The following FRMPD2 variants were observed in gnomAD, a reference collection of about 807,000 sequenced individuals.
The protein encoded by FRMPD2 is FERM and PDZ domain containing 2, also known as FERM and PDZ domain-containing protein 2.
Under a neutral mutation model 140.1 loss-of-function variants are expected in FRMPD2, and 96 were observed. The observed-to-expected ratio is 0.69, with a 90% CI of 0.58 to 0.81. The LOEUF (loss-of-function observed/expected upper bound fraction) is 0.81. Ranked by LOEUF, FRMPD2 falls within the 40% of genes least tolerant of loss-of-function variation. The probability of loss-of-function intolerance (pLI) is 0.00; values close to 1 mark genes in which losing one functional copy is unlikely to be tolerated. For missense variants in FRMPD2, 1,240 were observed against 1,447.4 expected, an observed-to-expected ratio of 0.86 and a Z score of 2.32; for synonymous variants, 449 against 547.6, an observed-to-expected ratio of 0.82 and a Z score of 2.52.
rs746636104 is a variant in FRMPD2, at chr10:48,236,555, T to C, written c.922-2A>G. 2.5e-6 allele frequency: 4 copies of C among 1,614,062 alleles called. No homozygotes were observed. The South Asian group carries it at 4.4e-5, about 18-fold the overall frequency. The stretch of plus-strand genomic sequence containing the variant: ...CAGGATGAACTCTGGCCTGGAAAAC[T>C]GGAGGAAAACAGTCACATATGGTAG... On this transcript the variant is annotated splice_acceptor_variant, in intron 8 of 28. Transcript: ENST00000374201. LOFTEE classifies it high-confidence loss of function.
At chr10:48,193,878 G>C (rs146363294) in intron 15 of FRMPD2, among the ~76,000 whole-genome samples, 1 of 152,194 alleles carries the variant, frequency 6.6e-6, no homozygotes, top group African/African-American at 2.4e-5. Context: ...CTGGTTCCCT[G>C]CCAGGGCTGT....
chr10:48,188,211 AG>A (rs1838737814), intron 16 of FRMPD2, among the ~76,000 whole-genome samples: 1 of 152,156 alleles, frequency 6.6e-6, no homozygotes, highest in African/African-American at 2.4e-5. Context: ...GGACTATAGC[AG>A]GGGTCGCTGG....
chr10:48,221,953 G>A (rs1839597473), intron 12 of FRMPD2, among the ~76,000 whole-genome samples: 1 of 149,400 alleles, frequency 6.7e-6, no homozygotes, highest in African/African-American at 2.5e-5. Context: ...TGAATAGGTG[G>A]GTGGGTGGGT....
intron 13 of FRMPD2, 131 bp downstream of exon 13, chr10:48,211,823 A>T: frequency 1.4e-6 from 1 of 740,176 alleles, no homozygotes; most frequent in Non-Finnish European, 2.0e-6. Flanking sequence ...CCTGCCTCCT[A>T]GAGTTCCACC....
At chr10:48,228,218 A>T (rs1257635487) in intron 10 of FRMPD2, among the ~76,000 whole-genome samples, 1 of 152,074 alleles carries the variant, frequency 6.6e-6, no homozygotes, top group Non-Finnish European at 1.5e-5. Flanking sequence ...TTTTATAAAC[A>T]ATTCAAACAT....
rs1360418718 is a variant in FRMPD2, at chr10:48,178,150, C to T, written c.2792G>A (p.Gly931Asp). 2 of 1,494,782 alleles carry T rather than the reference C, an allele frequency of 1.3e-6. No individual in the cohort carries two copies. The highest frequency in any genetic ancestry group is 1.9e-6 in the Non-Finnish European group (2 of 1,074,628). The allele number at this position is 1,494,782 out of a possible 1,614,324, so 92.6% of individuals were successfully genotyped here. The part of the protein sequence containing the change: ...RHQLSFLPLK[G>D]AGSSCPPSPP... Reference sequence around the variant, plus strand: ...TGATGGAGGACAAGAAGAACCAGCACCCTGCCATAAACAAACAAACAAAAA... The same window carrying T: ...TGATGGAGGACAAGAAGAACCAGCATCCTGCCATAAACAAACAAACAAAAA... The change falls in exon 22 of 29, where the codon GGT (glycine) becomes GAT (aspartate). Residue 931 changes from glycine (G) to aspartate (D), a missense_variant and splice_region_variant. Transcript: ENST00000374201.
At chr10:48,223,057 C>T (rs1373675858) in intron 11 of FRMPD2, 66 bp downstream of exon 11, 12 of 1,452,636 alleles carry the variant, frequency 8.3e-6, no homozygotes, top group Non-Finnish European at 1.9e-6. Flanking sequence ...CGATCCATTA[C>T]CTCTCCGTCA....
chr10:48,219,860 T>C (rs1366100640), intron 12 of FRMPD2, among the ~76,000 whole-genome samples: 5 of 152,182 alleles, frequency 3.3e-5, no homozygotes, highest in Non-Finnish European at 7.4e-5. Flanking sequence ...AAGATTAGGA[T>C]TGCCATTTGA....
chr10:48,262,503 G>C (rs2131982836), intron 1 of FRMPD2, among the ~76,000 whole-genome samples: 2 of 152,218 alleles, frequency 1.3e-5, no homozygotes, highest in South Asian at 4.1e-4. Flanking sequence ...CATAAAAACT[G>C]GTAGAACTGC....
intron 1 of FRMPD2, among the ~76,000 whole-genome samples, chr10:48,260,468 C>T (rs1419667362): frequency 6.6e-6 from 1 of 152,098 alleles, no homozygotes; most frequent in African/African-American, 2.4e-5. Context: ...TCTATTACAG[C>T]CCTGAATAGA....
chr10:48,215,553 A>G (rs1214245611), intron 12 of FRMPD2, among the ~76,000 whole-genome samples: 1 of 152,244 alleles, frequency 6.6e-6, no homozygotes, highest in African/African-American at 2.4e-5. Context: ...CCTCCCATAA[A>G]TTAAGACTAA....
In FRMPD2 at chr10:48,199,256, G is replaced by GA. The variant is rs559533746; in HGVS notation, c.1954+1971dup. On this transcript the variant is annotated intron_variant, in intron 15 of 28. Coordinates refer to ENST00000374201, the MANE Select transcript of FRMPD2 (RefSeq NM_001018071.4). ...CTAAAATAAAAGTTGAAATTTTTCT[G>GA]AAAAAATGAGTTCAGGCAAAAAAAA... Among the ~76,000 whole-genome samples, 117 of 122,304 alleles carry GA rather than the reference G, an allele frequency of 9.6e-4. No homozygotes were observed. In the East Asian group the frequency reaches 0.012, roughly 12 times the overall value. 80.2% of individuals were successfully genotyped at this position (122,304 alleles called of 152,430 possible). A position where few individuals can be genotyped will look rare whatever the true frequency, so the allele number is the denominator to read the frequency against.
chr10:48,185,749 T>C, intron 17 of FRMPD2, 104 bp from the exon 18 acceptor site: 1 of 794,760 alleles, frequency 1.3e-6, no homozygotes, highest in Admixed American at 1.8e-5. Context: ...CGCACACACA[T>C]TCACACGCAC....
In FRMPD2 at chr10:48,184,828, T is replaced by C. The variant is rs777323260; in HGVS notation, c.2413A>G (p.Ile805Val). 5.0e-6 allele frequency: 8 copies of C among 1,613,852 alleles called. No homozygotes were observed. The Admixed American group carries it at 8.3e-5, about 17-fold the overall frequency. Residue 805 changes from isoleucine (I) to valine (V), a missense_variant, in exon 19 of 29, where the codon ATA (isoleucine) becomes GTA (valine). By Grantham distance (29) the Ile-to-Val change is conservative. Coordinates refer to ENST00000374201, the MANE Select transcript of FRMPD2 (RefSeq NM_001018071.4). ...GGTCCTCCAGGTATAATAGAAGATATAAAAATGCCAGGGTCAGCTTGGCCT... is the reference window on the plus strand; with the variant it reads ...GGTCCTCCAGGTATAATAGAAGATACAAAAATGCCAGGGTCAGCTTGGCCT... ...YSGQADPGIF[I>V]SSIIPGGPAE...
rs376787542 is a variant in FRMPD2 at position 48,249,074 on chromosome 10, C to A, written c.256G>T (p.Ala86Ser). 6 of 1,613,782 alleles carry A rather than the reference C, an allele frequency of 3.7e-6. No individual in the cohort carries two copies. Among genetic ancestry groups the A allele is most frequent in the Non-Finnish European group, 5.1e-6 (6 of 1,180,022 alleles). The change falls in exon 3 of 29, where the codon GCC (alanine) becomes TCC (serine). Residue 86 changes from alanine (A) to serine (S), a missense_variant. Physicochemically the swap from Ala to Ser is moderately conservative, Grantham distance 99 (BLOSUM62 1). Coordinates refer to ENST00000374201, the MANE Select transcript of FRMPD2 (RefSeq NM_001018071.4). ...VSHIEAAPFK[A>S]PELLQGQSED... The stretch of plus-strand genomic sequence containing the variant: ...CTCTGTCCCTGTAGCAGTTCAGGGG[C>A]CTTGAAAGGAGCAGCCTCTATATGA...
chr10:48,246,880 G>C (rs1474033540), intron 3 of FRMPD2, among the ~76,000 whole-genome samples: 1 of 152,220 alleles, frequency 6.6e-6, no homozygotes, highest in Non-Finnish European at 1.5e-5. Context: ...TGCTGAAAGA[G>C]ATCAAGTTAC....
intron 6 of FRMPD2, 58 bp from the exon 7 acceptor site, chr10:48,239,750 A>T: frequency 2.3e-6 from 3 of 1,299,356 alleles, no homozygotes; most frequent in Non-Finnish European, 3.3e-6. Flanking sequence ...GCTTTCTTAA[A>T]TCAGGCATCT....
At chr10:48,262,073 AAC>A (rs1840601389) in intron 1 of FRMPD2, among the ~76,000 whole-genome samples, 1 of 152,184 alleles carries the variant, frequency 6.6e-6, no homozygotes, top group African/African-American at 2.4e-5. Flanking sequence ...ACAAATAGAA[AAC>A]AGTTATAAAT....
At chr10:48,239,748 A>C in intron 6 of FRMPD2, 56 bp from the exon 7 acceptor site, 1 of 1,318,834 alleles carries the variant, frequency 7.6e-7, no homozygotes, top group Non-Finnish European at 1.1e-6. Context: ...CGGCTTTCTT[A>C]AATCAGGCAT....
Sources: gnomAD v4.1 joint callset for allele counts (sites outside exome capture counted in the v4.1 genomes callset) on GRCh38, gnomAD v4.1.1 for gene constraint, MANE v1.5 for transcripts, NCBI Gene and HGNC (gene_info 2026-07-23, HGNC 2026-07-21) for gene names.